Variants in RASGRF2 observed in about 807,000 individuals in gnomAD.
RASGRF2 encodes Ras protein specific guanine nucleotide releasing factor 2.
A neutral mutation model predicts 151.0 loss-of-function variants in RASGRF2; 76 were observed. The ratio of observed to expected loss-of-function variants is 0.50; its 90% CI spans 0.42 to 0.61. The LOEUF is 0.61. Among genes scored for constraint, RASGRF2 ranks in the 20% least tolerant of loss-of-function variants. The probability of loss-of-function intolerance (pLI) is 0.00; values close to 1 mark genes in which losing one functional copy is unlikely to be tolerated. For synonymous variants in RASGRF2, 504 were observed against 566.5 expected, an observed-to-expected ratio of 0.89 and a Z score of 1.57; for missense variants, 1,148 against 1,564.6, an observed-to-expected ratio of 0.73 and a Z score of 4.49.
At position 81,112,639 on chromosome 5, in the gene RASGRF2, C is replaced by T; in HGVS notation, c.1868C>T (p.Thr623Ile). 6.2e-7 allele frequency: 1 copy of T among 1,614,240 alleles called. No individual in the cohort carries two copies. Among genetic ancestry groups the T allele is most frequent in the Non-Finnish European group, 8.5e-7 (1 of 1,180,042 alleles). Reference protein sequence around the residue: ...KSDARLHKDDTDICFSKTLNS... With the variant: ...KSDARLHKDDIDICFSKTLNS... ...GATGCCCGTCTTCATAAAGACGACA[C>T]TGACATTTGCTTCAGTAAAACACTC... The change falls in exon 14 of 27, where the codon ACT (threonine) becomes ATT (isoleucine). Residue 623 changes from threonine to isoleucine, a missense_variant. Physicochemically the swap from Thr to Ile is moderately conservative, Grantham distance 89 (BLOSUM62 -1). This residue lies in a region of RASGRF2 where 646 missense variants were observed against 807.4 expected (regional missense o/e 0.80). Coordinates refer to ENST00000265080, the MANE Select transcript of RASGRF2 (RefSeq NM_006909.3).
chr5:81,116,966 C>G (rs990111282), intron 15 of RASGRF2, among the ~76,000 whole-genome samples: 1 of 152,272 alleles, frequency 6.6e-6, no homozygotes, highest in East Asian at 1.9e-4. Context: ...TTGCTTCCAC[C>G]TCTTGGCTGT....
intron 1 of RASGRF2, among the ~76,000 whole-genome samples, chr5:80,993,279 G>C (rs1165284927): frequency 6.6e-6 from 1 of 152,114 alleles, no homozygotes. Flanking sequence ...ATATTATTTT[G>C]CTCAACCAAA....
intron 1 of RASGRF2, among the ~76,000 whole-genome samples, chr5:81,003,373 C>T (rs1260191357): frequency 6.6e-6 from 1 of 152,136 alleles, no homozygotes; most frequent in African/African-American, 2.4e-5. Context: ...CAGGTGCCCA[C>T]CACCACGCCC....
At chr5:81,122,110 C>T (rs978440750) in intron 15 of RASGRF2, among the ~76,000 whole-genome samples, 2 of 152,224 alleles carry the variant, frequency 1.3e-5, no homozygotes, top group African/African-American at 2.4e-5. Flanking sequence ...ATGGTTTCTT[C>T]TCTCTGTAGG....
At chr5:81,066,657 G>C (rs548230200) in intron 2 of RASGRF2, among the ~76,000 whole-genome samples, 2 of 152,094 alleles carry the variant, frequency 1.3e-5, no homozygotes. Flanking sequence ...TTTCTCTCCC[G>C]TCGGACTCAC....
chr5:81,042,611 C>A (rs72769272), intron 1 of RASGRF2, among the ~76,000 whole-genome samples: 17,109 of 152,152 alleles, frequency 0.11, 1,242 homozygotes, highest in Non-Finnish European at 0.16. Flanking sequence ...GTGCAATATT[C>A]TTTTTTGTAC....
intron 23 of RASGRF2, among the ~76,000 whole-genome samples, chr5:81,213,722 T>C (rs1050293123): frequency 2.0e-5 from 3 of 152,182 alleles, no homozygotes; most frequent in African/African-American, 7.2e-5. Flanking sequence ...TCCTATCTTT[T>C]ATCTTACCTT....
rs141085851 is a variant in RASGRF2, at chr5:81,074,728, A to G, written c.887+1276A>G. Among the ~76,000 whole-genome samples the G allele has an allele frequency of 5.2e-3, 798 of 152,310 alleles. 9 individuals are homozygous for G. The highest frequency in any genetic ancestry group is 0.018 in the African/African-American group (768 of 41,570). ...TGGTATTACAATCTGTGAATGTACCATAGTTTTTTTATAGCAGGTTTTCAG... is the reference window on the plus strand; with the variant it reads ...TGGTATTACAATCTGTGAATGTACCGTAGTTTTTTTATAGCAGGTTTTCAG... On this transcript the variant is annotated intron_variant, in intron 5 of 26. Coordinates refer to ENST00000265080, the MANE Select transcript of RASGRF2 (RefSeq NM_006909.3).
chr5:80,969,471 CAG>C (rs371941505), intron 1 of RASGRF2, among the ~76,000 whole-genome samples: 7 of 129,124 alleles, frequency 5.4e-5, no homozygotes, highest in African/African-American at 1.8e-4. Flanking sequence ...TTTTTTGAGA[CAG>C]AGTCTCACTC....
intron 1 of RASGRF2, among the ~76,000 whole-genome samples, chr5:80,988,021 G>T (rs919602784): frequency 6.8e-6 from 1 of 147,642 alleles, no homozygotes; most frequent in Admixed American, 6.7e-5. Context: ...GTGTGTGTGT[G>T]TGTGTGTGTG....
intron 1 of RASGRF2, among the ~76,000 whole-genome samples, chr5:81,003,304 G>C (rs988615909): frequency 3.4e-5 from 5 of 145,220 alleles, no homozygotes; most frequent in Middle Eastern, 8.3e-3. Context: ...CTCACTGCAA[G>C]CTCCGCCTCC....
At chr5:81,052,639 T>TCTAAAA (rs1176126527) in intron 2 of RASGRF2, among the ~76,000 whole-genome samples, 1 of 152,156 alleles carries the variant, frequency 6.6e-6, no homozygotes, top group Non-Finnish European at 1.5e-5. Flanking sequence ...CTAAAAAATA[T>TCTAAAA]TAATTAGCCA....
intron 26 of RASGRF2, among the ~76,000 whole-genome samples, chr5:81,220,068 C>A (rs2112749107): frequency 6.6e-6 from 1 of 152,242 alleles, no homozygotes; most frequent in Admixed American, 6.5e-5. Context: ...GCTCTACTTG[C>A]ATTCACTCTA....
At chr5:81,110,874 C>T (rs1260380821) in intron 13 of RASGRF2, among the ~76,000 whole-genome samples, 1 of 152,148 alleles carries the variant, frequency 6.6e-6, no homozygotes, top group Non-Finnish European at 1.5e-5. Flanking sequence ...TTTCAAGAAT[C>T]TCAAAAGATG....
At chr5:81,082,090 C>A (rs27948) in intron 7 of RASGRF2, among the ~76,000 whole-genome samples, 42,636 of 151,918 alleles carry the variant, frequency 0.28, 6,355 homozygotes, top group Admixed American at 0.36. Flanking sequence ...GTATCTGTTC[C>A]GTAACCCCAA....
chr5:80,998,733 G>C (rs555997721), intron 1 of RASGRF2, among the ~76,000 whole-genome samples: 1 of 152,244 alleles, frequency 6.6e-6, no homozygotes, highest in South Asian at 2.1e-4. Context: ...ACCCTGCTCT[G>C]CCTGTATAAG....
chr5:81,033,099 A>T (rs1239789231), intron 1 of RASGRF2, among the ~76,000 whole-genome samples: 2 of 151,032 alleles, frequency 1.3e-5, no homozygotes, highest in African/African-American at 2.4e-5. Context: ...AGGGATGTGA[A>T]GGACCTCTTC....
At chr5:81,086,600 G>A (rs1752234563) in intron 8 of RASGRF2, among the ~76,000 whole-genome samples, 1 of 152,150 alleles carries the variant, frequency 6.6e-6, no homozygotes, top group East Asian at 1.9e-4. Context: ...AAGCAGACAT[G>A]CCCAGGATGC....
At chr5:81,125,122 G>A (rs1180457787) in intron 16 of RASGRF2, among the ~76,000 whole-genome samples, 1 of 152,122 alleles carries the variant, frequency 6.6e-6, no homozygotes, top group African/African-American at 2.4e-5. Flanking sequence ...CCTGACCTCA[G>A]GTGATTCACC....
Sources: gnomAD v4.1 joint callset for allele counts (sites outside exome capture counted in the v4.1 genomes callset) on GRCh38, gnomAD v4.1.1 for gene constraint, gnomAD v4.1.1 regional missense constraint, MANE v1.5 for transcripts, NCBI Gene and HGNC (gene_info 2026-07-23, HGNC 2026-07-21) for gene names.